DDX10: variants seen among roughly 807,000 people sequenced by gnomAD.
The protein encoded by DDX10 is probable ATP-dependent RNA helicase DDX10.
Under a neutral mutation model 104.3 loss-of-function variants are expected in DDX10, and 74 were observed. The observed-to-expected ratio is 0.71, with a 90% CI of 0.59 to 0.86. The LOEUF (loss-of-function observed/expected upper bound fraction) is 0.86. DDX10 is among the 40% of genes least tolerant of loss of function. The pLI, the probability that DDX10 is intolerant of heterozygous loss-of-function variation, is 0.00. For synonymous variants in DDX10, 351 were observed against 353.4 expected (o/e 0.99, Z 0.08); for missense variants, 952 against 1,040.0 (o/e 0.92, Z 1.16).
chr11:108,714,180 T>G (rs1037195839), intron 10 of DDX10, among the ~76,000 whole-genome samples: 4 of 152,340 alleles, frequency 2.6e-5, no homozygotes, highest in African/African-American at 7.2e-5. Flanking sequence ...CTCATGAGTG[T>G]GGGGCTGCCT....
chr11:108,863,241 G>A (rs991826915), intron 16 of DDX10, among the ~76,000 whole-genome samples: 1 of 152,106 alleles, frequency 6.6e-6, no homozygotes, highest in Non-Finnish European at 1.5e-5. Flanking sequence ...TGTTAATGTA[G>A]CCTCATTTTT....
At chr11:108,795,070 C>T (rs757294069) in intron 13 of DDX10, among the ~76,000 whole-genome samples, 6 of 152,048 alleles carry the variant, frequency 3.9e-5, no homozygotes, top group Admixed American at 6.5e-5. Context: ...TCATGTGATC[C>T]GCACACCTTG....
chr11:108,939,094 T>A (rs1265252333), intron 17 of DDX10, among the ~76,000 whole-genome samples: 1 of 152,210 alleles, frequency 6.6e-6, no homozygotes, highest in Non-Finnish European at 1.5e-5. Flanking sequence ...CTAAGTTCAT[T>A]TAATTCTCAC....
intron 16 of DDX10, among the ~76,000 whole-genome samples, chr11:108,891,036 C>T (rs1863369177): frequency 6.6e-6 from 1 of 152,104 alleles, no homozygotes; most frequent in South Asian, 2.1e-4. Context: ...CCATCTACCA[C>T]TTAGTTTTTA....
chr11:108,704,514 C>G (rs978970415), intron 9 of DDX10, among the ~76,000 whole-genome samples: 6 of 152,150 alleles, frequency 3.9e-5, no homozygotes, highest in Non-Finnish European at 8.8e-5. Context: ...TGCAATCTTT[C>G]CTTGGTGGAG....
At chr11:108,814,381 C>A (rs1030826905) in intron 13 of DDX10, among the ~76,000 whole-genome samples, 1 of 151,770 alleles carries the variant, frequency 6.6e-6, no homozygotes, top group Non-Finnish European at 1.5e-5. Flanking sequence ...TTGATTTTTG[C>A]TTTAGGTCCT....
chr11:108,856,195 C>T lies in DDX10; in HGVS notation c.2304+3986C>T, dbSNP rs145198863. Reference sequence around the variant, plus strand: ...GTGTAATCCCAGCACTTTGGGAGGCCGAGATGGGTGGATCACCTGCGGTGA... The same window carrying T: ...GTGTAATCCCAGCACTTTGGGAGGCTGAGATGGGTGGATCACCTGCGGTGA... On this transcript the variant is annotated intron_variant, in intron 16 of 17. Transcript: ENST00000322536. 6.0e-3 allele frequency among the ~76,000 whole-genome samples: 913 copies of T among 152,074 alleles called. 4 individuals are homozygous for T. The highest frequency in any genetic ancestry group is 9.2e-3 in the Non-Finnish European group (623 of 67,972).
intron 17 of DDX10, 77 bp from the exon 18 acceptor site, chr11:108,940,165 ACTCT>A: frequency 7.1e-7 from 1 of 1,402,954 alleles, no homozygotes; most frequent in Non-Finnish European, 9.7e-7. Context: ...CACTTTACCA[ACTCT>A]CTGTTAATTT....
At chr11:108,803,749 T>A (rs1026789742) in intron 13 of DDX10, among the ~76,000 whole-genome samples, 8 of 152,226 alleles carry the variant, frequency 5.3e-5, no homozygotes, top group African/African-American at 1.4e-4. Flanking sequence ...TAAGTAAATT[T>A]CAGATACTAC....
At position 108,844,403 on chromosome 11, in the gene DDX10, A is replaced by T. The variant is rs117762330; in HGVS notation, c.2247+2927A>T. Among the ~76,000 whole-genome samples the T allele has an allele frequency of 1.2e-4, 18 of 152,326 alleles. No individual in the cohort carries two copies. The East Asian group carries it at 3.1e-3, about 26-fold the overall frequency. ...TTGTGTGTATTAGAGAAAACTTTGCAGTCGTGAGTACTGTAGCATTAGCAT... is the reference window on the plus strand; with the variant it reads ...TTGTGTGTATTAGAGAAAACTTTGCTGTCGTGAGTACTGTAGCATTAGCAT... On this transcript the variant is annotated intron_variant, in intron 15 of 17. Coordinates refer to ENST00000322536, the MANE Select transcript of DDX10 (RefSeq NM_004398.4).
rs558779414 is a variant in DDX10, at chr11:108,853,210, A to T, written c.2304+1001A>T. On this transcript the variant is annotated intron_variant, in intron 16 of 17. Transcript: ENST00000322536. ...CTAAATAAGGTGGAGGCTTCTGCAT[A>T]TGCTTTAACGTGCAGGCGTGAAACA... Among the ~76,000 whole-genome samples, 41 of 152,300 alleles carry T rather than the reference A, an allele frequency of 2.7e-4. No individual in the cohort carries two copies. The South Asian group carries it at 7.9e-3, about 29-fold the overall frequency.
At chr11:108,738,631 CCTT>C (rs2094321248) in intron 13 of DDX10, among the ~76,000 whole-genome samples, 1 of 152,060 alleles carries the variant, frequency 6.6e-6, no homozygotes, top group Non-Finnish European at 1.5e-5. Flanking sequence ...CCCAGTTACT[CCTT>C]CTTTTCTCTG....
intron 13 of DDX10, among the ~76,000 whole-genome samples, chr11:108,804,514 A>AAC (rs1862070495): frequency 1.3e-5 from 2 of 151,620 alleles, no homozygotes; most frequent in South Asian, 4.2e-4. Context: ...AAAAAAAAAA[A>AAC]AAAACCCTCC....
intron 16 of DDX10, among the ~76,000 whole-genome samples, chr11:108,876,251 T>A (rs936091198): frequency 2.0e-5 from 3 of 152,166 alleles, no homozygotes; most frequent in Non-Finnish European, 2.9e-5. Flanking sequence ...CATTTTTAGG[T>A]CCATTGGGAT....
At chr11:108,829,993 T>C (rs1862446970) in intron 13 of DDX10, among the ~76,000 whole-genome samples, 1 of 152,228 alleles carries the variant, frequency 6.6e-6, no homozygotes, top group Admixed American at 6.5e-5. Context: ...AGTTGGATAA[T>C]GTGATGCCTC....
intron 3 of DDX10, 58 bp downstream of exon 3, chr11:108,675,784 C>T: frequency 1.9e-6 from 3 of 1,575,524 alleles, no homozygotes; most frequent in South Asian, 1.1e-5. Context: ...ACATTCTGTG[C>T]CCAGATGCAG....
At chr11:108,755,427 C>T (rs760681776) in intron 13 of DDX10, among the ~76,000 whole-genome samples, 64 of 151,948 alleles carry the variant, frequency 4.2e-4, no homozygotes, top group Admixed American at 8.5e-4. Context: ...TGGCCTATTG[C>T]CTGTGTTGTA....
intron 13 of DDX10, among the ~76,000 whole-genome samples, chr11:108,832,146 AT>A (rs1285961594): frequency 6.6e-6 from 1 of 152,100 alleles, no homozygotes; most frequent in East Asian, 1.9e-4. Context: ...TATATTTTAT[AT>A]TTTTTGTTAA....
intron 13 of DDX10, among the ~76,000 whole-genome samples, chr11:108,728,893 A>G (rs368969317): frequency 2.0e-5 from 3 of 152,206 alleles, no homozygotes; most frequent in East Asian, 1.9e-4. Context: ...TGTCTTCGCA[A>G]ATATTTTTAT....
Sources: allele counts gnomAD v4.1 joint callset (sites outside exome capture counted in the v4.1 genomes callset), GRCh38; gene constraint gnomAD v4.1.1; transcripts MANE v1.5; gene names NCBI Gene and HGNC (gene_info 2026-07-23, HGNC 2026-07-21).